EEFSEC: variants seen among roughly 807,000 people sequenced by gnomAD.
EEFSEC encodes selenocysteine-specific elongation factor.
In EEFSEC, 43 loss-of-function variants were observed where a neutral mutation model predicts 42.1. The observed-to-expected ratio is 1.02, with a 90% CI of 0.80 to 1.32. The LOEUF (loss-of-function observed/expected upper bound fraction) is 1.32, where lower values mean the gene tolerates loss of function less well. Among genes scored for constraint, EEFSEC ranks in the 40% most tolerant of loss-of-function variants. The probability of loss-of-function intolerance (pLI) is 0.00; values close to 1 mark genes in which losing one functional copy is unlikely to be tolerated. For missense variants in EEFSEC, 745 were observed against 803.6 expected, an observed-to-expected ratio of 0.93 and a Z score of 0.88; for synonymous variants, 354 against 339.1, an observed-to-expected ratio of 1.04 and a Z score of -0.48.
At chr3:128,224,429 C>G (rs2065889406) in intron 1 of EEFSEC, among the ~76,000 whole-genome samples, 1 of 152,174 alleles carries the variant, frequency 6.6e-6, no homozygotes, top group Non-Finnish European at 1.5e-5. Flanking sequence ...ATGCATGCAT[C>G]CTTATCCCCA....
intron 5 of EEFSEC, among the ~76,000 whole-genome samples, chr3:128,348,255 TGTGTGTGTGTGTGTGCGTGTGC>T (rs1364663938): frequency 8.5e-5 from 11 of 129,418 alleles, no homozygotes; most frequent in South Asian, 7.5e-4. Flanking sequence ...TGTGCATGCG[TGTGTGTGTGTGTGTGCGTGTGC>T]GTGTGTGTGT....
intron 1 of EEFSEC, among the ~76,000 whole-genome samples, chr3:128,176,138 A>G (rs958045236): frequency 6.6e-6 from 1 of 152,152 alleles, no homozygotes; most frequent in South Asian, 2.1e-4. Context: ...TTTAATCTTT[A>G]TACGACTTCA....
Position 128,153,678 on chromosome 3 carries a change from G to C in EEFSEC, c.171G>C (p.Ser57=), listed in dbSNP as rs374661113. The C allele has an allele frequency of 1.4e-5, 22 of 1,595,076 alleles. No individual in the cohort carries two copies. The highest frequency in any genetic ancestry group is 1.9e-5 in the Non-Finnish European group (22 of 1,177,454). The change falls in exon 1 of 7, where the codon TCG becomes TCC. Residue 57 remains serine, a synonymous_variant. Transcript: ENST00000254730. ...ITLDLGFSCF[S]VPLPARLRSS... ...TCGATCTGGGCTTCTCGTGCTTCTCGGTGCCGCTGCCCGCGCGCCTGCGGT... is the reference window on the plus strand; with the variant it reads ...TCGATCTGGGCTTCTCGTGCTTCTCCGTGCCGCTGCCCGCGCGCCTGCGGT...
At chr3:128,354,782 G>A (rs1204629888) in intron 5 of EEFSEC, among the ~76,000 whole-genome samples, 1 of 152,182 alleles carries the variant, frequency 6.6e-6, no homozygotes, top group Non-Finnish European at 1.5e-5. Flanking sequence ...AAAGGAGGGG[G>A]CAGGGGAGAA....
rs2067653746 is a variant in EEFSEC at position 128,371,533 on chromosome 3, G to T, written c.1600+13160G>T. Reference sequence around the variant, plus strand: ...GAACCACTGGTCTAAGCAAGTGGCAGAAGGAACTGGTGGTTGGTGTGCAGG... The same window carrying T: ...GAACCACTGGTCTAAGCAAGTGGCATAAGGAACTGGTGGTTGGTGTGCAGG... On this transcript the variant is annotated intron_variant, in intron 6 of 6. Coordinates refer to ENST00000254730, the MANE Select transcript of EEFSEC (RefSeq NM_021937.5). Among the ~76,000 whole-genome samples, 2 of 152,212 alleles carry T rather than the reference G, an allele frequency of 1.3e-5. 1 individual carries two copies. Among genetic ancestry groups the T allele is most frequent in the South Asian group, 4.1e-4 (2 of 4,830 alleles).
intron 1 of EEFSEC, among the ~76,000 whole-genome samples, chr3:128,176,737 T>G (rs2065351705): frequency 6.6e-6 from 1 of 152,218 alleles, no homozygotes; most frequent in African/African-American, 2.4e-5. Context: ...CTATATGGTC[T>G]TGGGTAGATT....
intron 4 of EEFSEC, among the ~76,000 whole-genome samples, chr3:128,297,088 G>A (rs575549941): frequency 5.3e-5 from 8 of 152,080 alleles, no homozygotes; most frequent in Admixed American, 2.0e-4. Flanking sequence ...GCTGGCCTCC[G>A]TCCTCTTGGG....
chr3:128,225,183 C>T (rs1165105547), intron 1 of EEFSEC, among the ~76,000 whole-genome samples: 1 of 152,118 alleles, frequency 6.6e-6, no homozygotes, highest in African/African-American at 2.4e-5. Flanking sequence ...CCAGCCCCAG[C>T]CCTAGGTCAG....
intron 1 of EEFSEC, among the ~76,000 whole-genome samples, chr3:128,213,014 T>C (rs969809337): frequency 3.3e-5 from 5 of 152,186 alleles, no homozygotes; most frequent in African/African-American, 1.2e-4. Context: ...CATGTTTTAA[T>C]AGCAAATCTG....
At chr3:128,382,682 A>AGG (rs753391341) in intron 6 of EEFSEC, among the ~76,000 whole-genome samples, 31 of 152,260 alleles carry the variant, frequency 2.0e-4, no homozygotes, top group Non-Finnish European at 3.7e-4. Context: ...TTTTGGCAAA[A>AGG]GGAGCCCTCT....
intron 1 of EEFSEC, 148 bp downstream of exon 1, chr3:128,153,971 CT>C: frequency 8.3e-7 from 1 of 1,207,706 alleles, no homozygotes; most frequent in Non-Finnish European, 1.1e-6. Context: ...GCGGACGTGA[CT>C]TGCCTAGGGC....
chr3:128,292,710 C>T (rs1194367299), intron 4 of EEFSEC, among the ~76,000 whole-genome samples: 2 of 151,628 alleles, frequency 1.3e-5, no homozygotes, highest in African/African-American at 4.8e-5. Context: ...ATCAGTCTTG[C>T]TAGATGTTTG....
chr3:128,310,426 C>T (rs769744456), intron 4 of EEFSEC, among the ~76,000 whole-genome samples: 5 of 152,206 alleles, frequency 3.3e-5, no homozygotes, highest in Non-Finnish European at 5.9e-5. Flanking sequence ...TTGAGAGTTT[C>T]TAAAATTGTA....
intron 5 of EEFSEC, among the ~76,000 whole-genome samples, chr3:128,348,222 G>A (rs1169184590): frequency 6.6e-6 from 1 of 151,916 alleles, no homozygotes; most frequent in East Asian, 1.9e-4. Context: ...TATAGATATA[G>A]GCAGATATGG....
chr3:128,402,327 T>C (rs1265705712), intron 6 of EEFSEC, among the ~76,000 whole-genome samples: 2 of 152,222 alleles, frequency 1.3e-5, no homozygotes, highest in African/African-American at 4.8e-5. Context: ...CATTATAACA[T>C]AGGTCTTTCT....
At chr3:128,384,716 A>AG (rs2067817385) in intron 6 of EEFSEC, among the ~76,000 whole-genome samples, 1 of 152,210 alleles carries the variant, frequency 6.6e-6, no homozygotes, top group East Asian at 1.9e-4. Flanking sequence ...ACCACATCAG[A>AG]GGAACAGAGC....
At chr3:128,283,268 T>A (rs77164246) in intron 4 of EEFSEC, among the ~76,000 whole-genome samples, 1 of 152,122 alleles carries the variant, frequency 6.6e-6, no homozygotes, top group Non-Finnish European at 1.5e-5. Flanking sequence ...CCAGGTCTCA[T>A]TGAAGGGAGG....
At chr3:128,319,529 T>C (rs907920213) in intron 4 of EEFSEC, among the ~76,000 whole-genome samples, 2 of 152,190 alleles carry the variant, frequency 1.3e-5, no homozygotes, top group African/African-American at 4.8e-5. Flanking sequence ...GGTTCTACCC[T>C]CAACAGACTT....
intron 4 of EEFSEC, among the ~76,000 whole-genome samples, chr3:128,340,300 C>T (rs1423925702): frequency 6.6e-6 from 1 of 152,046 alleles, no homozygotes; most frequent in African/African-American, 2.4e-5. Context: ...TCTATCACAT[C>T]ACCTGGCCTT....
Sources: allele counts gnomAD v4.1 joint callset (sites outside exome capture counted in the v4.1 genomes callset), GRCh38; gene constraint gnomAD v4.1.1; transcripts MANE v1.5; gene names NCBI Gene and HGNC (gene_info 2026-07-23, HGNC 2026-07-21).